MTMR14: variants seen among roughly 807,000 people sequenced by gnomAD.
MTMR14 encodes myotubularin related protein 14.
Under a neutral mutation model 86.3 loss-of-function variants are expected in MTMR14, and 48 were observed. The ratio of observed to expected loss-of-function variants is 0.56; its 90% confidence interval spans 0.44 to 0.71. The LOEUF (loss-of-function observed/expected upper bound fraction) is 0.71, where lower values mean the gene tolerates loss of function less well. Among genes scored for constraint, MTMR14 ranks in the 30% least tolerant of loss-of-function variants. The probability of loss-of-function intolerance (pLI) is 0.00; values close to 1 mark genes in which losing one functional copy is unlikely to be tolerated. For missense variants in MTMR14, 780 were observed against 834.6 expected, an observed-to-expected ratio of 0.93 and a Z score of 0.81; for synonymous variants, 366 against 326.1, an observed-to-expected ratio of 1.12 and a Z score of -1.32.
At chr3:9,684,866 C>G (rs781120741) in intron 11 of MTMR14, 22 bp from the exon 12 acceptor site, 1 of 1,613,034 alleles carries the variant, frequency 6.2e-7, no homozygotes, top group South Asian at 1.1e-5. Context: ...GGCTCTGTCA[C>G]ATCTCCTGTG....
At chr3:9,669,515 CAG>C (rs1285400910) in intron 5 of MTMR14, 23 bp downstream of exon 5, 5 of 1,607,504 alleles carry the variant, frequency 3.1e-6, no homozygotes, top group African/African-American at 1.3e-5. Context: ...TTGCTGTGGT[CAG>C]GGGCTTGTGT....
rs892668265 is a variant in MTMR14 at position 9,672,652 on chromosome 3, G to C, written c.678-33G>C. On this transcript the variant is annotated intron_variant, in intron 6 of 18. Coordinates refer to ENST00000296003, the MANE Select transcript of MTMR14 (RefSeq NM_001077525.3). The stretch of plus-strand genomic sequence containing the variant: ...TGGTGTGTGTTTGTGTGTGTGTTGC[G>C]ACACTGTAACACATTGTATCCTTGT... The C allele has an allele frequency of 9.6e-6, 15 of 1,562,358 alleles. No homozygotes were observed. In the African/African-American group the frequency reaches 1.5e-4, roughly 15 times the overall value.
intron 17 of MTMR14, 106 bp from the exon 18 acceptor site, chr3:9,697,605 C>T (rs903509844): frequency 2.1e-5 from 27 of 1,303,606 alleles, no homozygotes; most frequent in Non-Finnish European, 2.9e-5. Context: ...TGATTGACAA[C>T]AGAACCTAGC....
intron 14 of MTMR14, among the ~76,000 whole-genome samples, chr3:9,688,262 A>G (rs535217703): frequency 6.6e-6 from 1 of 152,342 alleles, no homozygotes; most frequent in East Asian, 1.9e-4. Flanking sequence ...CATGGCCTAC[A>G]GCAGGAAGTG....
chr3:9,689,566 T>G (rs1333450473), intron 16 of MTMR14, among the ~76,000 whole-genome samples: 2 of 152,132 alleles, frequency 1.3e-5, no homozygotes, highest in East Asian at 3.9e-4. Flanking sequence ...TGGTGGCTTA[T>G]ATTTATAATC....
chr3:9,663,501 CTTTTTTT>C (rs4021721), intron 3 of MTMR14, among the ~76,000 whole-genome samples: 4 of 69,968 alleles, frequency 5.7e-5, no homozygotes, highest in East Asian at 1.0e-3. Flanking sequence ...GAGTCTCTCT[CTTTTTTT>C]TTTTTTTTTT....
chr3:9,687,970 C>A, intron 14 of MTMR14, 79 bp downstream of exon 14: 1 of 1,194,098 alleles, frequency 8.4e-7, no homozygotes, highest in South Asian at 1.3e-5. Context: ...AGAGGCTGAC[C>A]ACCTCATTCC....
At chr3:9,683,552 T>C in intron 10 of MTMR14, 1 of 368,450 alleles carries the variant, frequency 2.7e-6, no homozygotes, top group Non-Finnish European at 5.2e-6. Flanking sequence ...GGGCCTCTCA[T>C]TCAGAAAGAT....
intron 7 of MTMR14, among the ~76,000 whole-genome samples, chr3:9,673,571 T>G (rs768921576): frequency 2.0e-4 from 31 of 152,188 alleles, no homozygotes; most frequent in Non-Finnish European, 8.8e-5. Flanking sequence ...AGCACCAGCA[T>G]CTGCCTTCAG....
intron 16 of MTMR14, 51 bp from the exon 17 acceptor site, chr3:9,689,913 G>C: frequency 6.4e-7 from 1 of 1,558,344 alleles, no homozygotes; most frequent in Non-Finnish European, 8.7e-7. Context: ...GTGGGCAGAG[G>C]GCTTTGCCTG....
intron 17 of MTMR14, among the ~76,000 whole-genome samples, chr3:9,694,738 A>G (rs1044059578): frequency 7.9e-5 from 12 of 152,230 alleles, no homozygotes; most frequent in Non-Finnish European, 1.8e-4. Context: ...GGGTTGAGCC[A>G]GCTCGGTTTG....
At chr3:9,650,530 G>A (rs2047219188) in intron 1 of MTMR14, 2 of 359,618 alleles carry the variant, frequency 5.6e-6, no homozygotes, top group Non-Finnish European at 5.7e-6. Flanking sequence ...AGAGATTACC[G>A]TGAGTTGCTA....
rs534996911 is a variant in MTMR14 at position 9,654,154 on chromosome 3, C to T, written c.308+385C>T. ...TGAGAGCCTAAGGTCTAGAGTCAGA[C>T]TGCTAGAGTCAGACTGTCTAGAGTT... On this transcript the variant is annotated intron_variant, in intron 2 of 18. Coordinates refer to ENST00000296003, the MANE Select transcript of MTMR14 (RefSeq NM_001077525.3). Among the ~76,000 whole-genome samples the T allele has an allele frequency of 3.3e-5, 5 of 152,300 alleles. No homozygotes were observed. In the East Asian group the frequency reaches 9.6e-4, roughly 29 times the overall value.
chr3:9,684,033 G>T (rs1390832087), intron 10 of MTMR14, among the ~76,000 whole-genome samples: 1 of 152,150 alleles, frequency 6.6e-6, no homozygotes, highest in African/African-American at 2.4e-5. Context: ...CCACAAAGTC[G>T]CATGCCAGCC....
chr3:9,691,295 G>A (rs1173796901), intron 17 of MTMR14, among the ~76,000 whole-genome samples: 1 of 152,204 alleles, frequency 6.6e-6, no homozygotes, highest in Non-Finnish European at 1.5e-5. Flanking sequence ...GGTGGAAGTG[G>A]TGGGGCAGAG....
intron 2 of MTMR14, chr3:9,659,731 T>C (rs1278380746): frequency 2.2e-6 from 1 of 456,090 alleles, no homozygotes; most frequent in African/African-American, 2.0e-5. Context: ...CATGAGCCAC[T>C]GTGCCTGGCC....
At chr3:9,687,942 G>C (rs2076015680) in intron 14 of MTMR14, 51 bp downstream of exon 14, 1 of 1,472,672 alleles carries the variant, frequency 6.8e-7, no homozygotes, top group Admixed American at 1.9e-5. Context: ...TCTGAGAAGG[G>C]CTGCTCCCTG....
intron 13 of MTMR14, among the ~76,000 whole-genome samples, chr3:9,687,431 T>C (rs1049854117): frequency 3.2e-4 from 48 of 152,044 alleles, no homozygotes; most frequent in Non-Finnish European, 4.4e-4. Flanking sequence ...GGCGGGCACC[T>C]GTAGTCCCAG....
intron 14 of MTMR14, 52 bp from the exon 15 acceptor site, chr3:9,688,644 C>A: frequency 1.2e-6 from 2 of 1,601,482 alleles, no homozygotes; most frequent in African/African-American, 1.3e-5. Flanking sequence ...ACGGGGGACA[C>A]AATAAGACCC....
Sources: gnomAD v4.1 joint callset for allele counts (sites outside exome capture counted in the v4.1 genomes callset) on GRCh38, gnomAD v4.1.1 for gene constraint, MANE v1.5 for transcripts, NCBI Gene and HGNC (gene_info 2026-07-23, HGNC 2026-07-21) for gene names.